The following SLC24A3 variants were observed in gnomAD, a reference collection of about 807,000 sequenced individuals.
The protein encoded by SLC24A3 is sodium/potassium/calcium exchanger 3.
In SLC24A3, 28 loss-of-function variants were observed where a neutral mutation model predicts 75.8. The observed-to-expected ratio is 0.37, with a 90% CI of 0.27 to 0.51. The LOEUF (loss-of-function observed/expected upper bound fraction) is 0.51, where lower values mean the gene tolerates loss of function less well. Ranked by LOEUF, SLC24A3 falls within the 20% of genes least tolerant of loss-of-function variation. The pLI, the probability that SLC24A3 is intolerant of heterozygous loss-of-function variation, is 0.94. For missense variants in SLC24A3, 663 were observed against 847.8 expected (o/e 0.78, Z 2.71); for synonymous variants, 372 against 334.1 (o/e 1.11, Z -1.24).
chr20:19,683,035 AG>A (rs1327801772), intron 10 of SLC24A3, among the ~76,000 whole-genome samples: 2 of 152,158 alleles, frequency 1.3e-5, no homozygotes, highest in Admixed American at 6.5e-5. Context: ...CTTTGCAGGA[AG>A]AAAAAAAAAG....
intron 2 of SLC24A3, among the ~76,000 whole-genome samples, chr20:19,491,899 TC>T (rs1378394094): frequency 6.6e-6 from 1 of 152,092 alleles, no homozygotes; most frequent in Non-Finnish European, 1.5e-5. Flanking sequence ...AACACCTTCC[TC>T]CATCAGTGAT....
chr20:19,718,768 G>A (rs983028771), intron 16 of SLC24A3, among the ~76,000 whole-genome samples: 1 of 152,182 alleles, frequency 6.6e-6, no homozygotes, highest in Admixed American at 6.5e-5. Context: ...AGTTTGCAAT[G>A]CCTGTTTGAC....
At chr20:19,355,876 C>T (rs1226652483) in intron 2 of SLC24A3, among the ~76,000 whole-genome samples, 1 of 152,170 alleles carries the variant, frequency 6.6e-6, no homozygotes, top group East Asian at 1.9e-4. Context: ...ATGGAAATTG[C>T]TAACACTGTG....
chr20:19,717,803 G>C (rs2033059239), intron 16 of SLC24A3, among the ~76,000 whole-genome samples: 1 of 152,092 alleles, frequency 6.6e-6, no homozygotes, highest in Admixed American at 6.6e-5. Flanking sequence ...CCTCTCAAAG[G>C]CATGGCCCTA....
In SLC24A3 at chr20:19,572,943, T is replaced by C. The variant is rs144599964; in HGVS notation, c.349-7057T>C. ...AATTATATGTGATCACTTGAAACTA[T>C]GAAAAAGAGGAGGAAAAGGAAGATT... On this transcript the variant is annotated intron_variant, in intron 3 of 16. Coordinates refer to ENST00000328041, the MANE Select transcript of SLC24A3 (RefSeq NM_020689.4). Among the ~76,000 whole-genome samples, 218 of 152,242 alleles carry C rather than the reference T, an allele frequency of 1.4e-3. 1 individual carries two copies. The highest frequency in any genetic ancestry group is 5.0e-3 in the African/African-American group (206 of 41,532).
At chr20:19,602,912 C>A (rs964740048) in intron 6 of SLC24A3, among the ~76,000 whole-genome samples, 8 of 152,178 alleles carry the variant, frequency 5.3e-5, no homozygotes, top group Non-Finnish European at 1.2e-4. Context: ...GAGGCATCAG[C>A]CAGCTGAGGG....
chr20:19,431,903 G>T (rs1233258196), intron 2 of SLC24A3, among the ~76,000 whole-genome samples: 1 of 151,804 alleles, frequency 6.6e-6, no homozygotes, highest in Non-Finnish European at 1.5e-5. Flanking sequence ...AAATAAGAAA[G>T]ACTTTCTGGA....
intron 1 of SLC24A3, among the ~76,000 whole-genome samples, chr20:19,214,133 G>C (rs1373848604): frequency 1.3e-5 from 2 of 152,144 alleles, no homozygotes; most frequent in Non-Finnish European, 2.9e-5. Flanking sequence ...CCTGCTTGGT[G>C]GGGAAGTGAA....
chr20:19,528,764 C>T (rs967023534), intron 3 of SLC24A3, among the ~76,000 whole-genome samples: 3 of 152,092 alleles, frequency 2.0e-5, no homozygotes, highest in African/African-American at 7.2e-5. Flanking sequence ...CTGTCTTTTC[C>T]TCTGTACTGT....
chr20:19,704,608 A>T (rs2032908097), intron 15 of SLC24A3, among the ~76,000 whole-genome samples: 1 of 152,176 alleles, frequency 6.6e-6, no homozygotes, highest in African/African-American at 2.4e-5. Context: ...AGTTGAAGTG[A>T]TGTTTTAGAG....
At chr20:19,561,154 AAAT>A (rs2030869514) in intron 3 of SLC24A3, among the ~76,000 whole-genome samples, 3 of 152,160 alleles carry the variant, frequency 2.0e-5, no homozygotes. Context: ...TTATCATGAC[AAAT>A]AATAAGATAT....
At chr20:19,515,640 G>A (rs1414208565) in intron 3 of SLC24A3, 76 bp downstream of exon 3, 6 of 1,442,678 alleles carry the variant, frequency 4.2e-6, no homozygotes, top group South Asian at 1.2e-5. Context: ...CACCTGAGGT[G>A]CCCCCAGTAG....
chr20:19,638,344 G>A (rs147815474), intron 6 of SLC24A3, among the ~76,000 whole-genome samples: 33 of 152,310 alleles, frequency 2.2e-4, no homozygotes, highest in African/African-American at 6.3e-4. Context: ...AAATAAAAGT[G>A]TATACCGCTG....
chr20:19,468,502 G>A (rs1462797245), intron 2 of SLC24A3, among the ~76,000 whole-genome samples: 2 of 152,078 alleles, frequency 1.3e-5, no homozygotes, highest in Admixed American at 6.6e-5. Flanking sequence ...GGTGGAGAAG[G>A]TGAAAATCTC....
intron 3 of SLC24A3, among the ~76,000 whole-genome samples, chr20:19,562,220 T>A (rs2030885206): frequency 6.6e-6 from 1 of 152,206 alleles, no homozygotes; most frequent in South Asian, 2.1e-4. Flanking sequence ...GGTGGCAGCA[T>A]CTGCAAACTG....
intron 14 of SLC24A3, among the ~76,000 whole-genome samples, chr20:19,697,819 CGG>C (rs2032827875): frequency 6.6e-6 from 1 of 152,226 alleles, no homozygotes; most frequent in South Asian, 2.1e-4. Flanking sequence ...GGTGTGAGCT[CGG>C]GAGTCACTTT....
chr20:19,386,817 G>A (rs943926106), intron 2 of SLC24A3, among the ~76,000 whole-genome samples: 2 of 152,126 alleles, frequency 1.3e-5, no homozygotes, highest in African/African-American at 4.8e-5. Context: ...TAGCTTGATA[G>A]TATTTTATTG....
chr20:19,266,289 C>A (rs374330689), intron 1 of SLC24A3, among the ~76,000 whole-genome samples: 26 of 152,342 alleles, frequency 1.7e-4, no homozygotes, highest in East Asian at 5.8e-4. Flanking sequence ...TGCTTTCTCA[C>A]TGTTCACATG....
chr20:19,535,610 G>A (rs6035372), intron 3 of SLC24A3, among the ~76,000 whole-genome samples: 109,185 of 152,084 alleles, frequency 0.72, 39,703 homozygotes, highest in Non-Finnish European at 0.78. Flanking sequence ...AGAGAAATTA[G>A]CTTGAGAAAT....
Sources: gnomAD v4.1 joint callset for allele counts (sites outside exome capture counted in the v4.1 genomes callset) on GRCh38, gnomAD v4.1.1 for gene constraint, MANE v1.5 for transcripts, NCBI Gene and HGNC (gene_info 2026-07-23, HGNC 2026-07-21) for gene names.